FRMD6: variants seen among roughly 807,000 people sequenced by gnomAD.
The protein encoded by FRMD6 is FERM domain containing 6.
A neutral mutation model predicts 73.2 loss-of-function variants in FRMD6; 37 were observed. The observed-to-expected ratio is 0.51, with a 90% CI of 0.39 to 0.66. The LOEUF (loss-of-function observed/expected upper bound fraction) is 0.66. Among genes scored for constraint, FRMD6 ranks in the 30% least tolerant of loss-of-function variants. FRMD6 has a pLI of 0.00. For missense variants in FRMD6, 714 were observed against 780.5 expected, an observed-to-expected ratio of 0.91 and a Z score of 1.02; for synonymous variants, 273 against 282.2, an observed-to-expected ratio of 0.97 and a Z score of 0.33.
intron 1 of FRMD6, among the ~76,000 whole-genome samples, chr14:51,686,626 C>G (rs747033775): frequency 6.6e-6 from 1 of 150,706 alleles, no homozygotes; most frequent in Non-Finnish European, 1.5e-5. Flanking sequence ...TTTTTTGTTC[C>G]CTGGAAAATA....
At chr14:51,472,819 C>T in the FRMD6 span, among the ~76,000 whole-genome samples, 23 of 152,282 alleles carry the variant, frequency 1.5e-4, no homozygotes, top group South Asian at 4.1e-4. Flanking sequence ...AGCACTGAGG[C>T]GCCAGGAATC....
chr14:51,428,792 G>C, the FRMD6 span, among the ~76,000 whole-genome samples: 1 of 152,114 alleles, frequency 6.6e-6, no homozygotes, highest in Non-Finnish European at 1.5e-5. Context: ...TGCCAATAGA[G>C]AATGGCAGAA....
At chr14:51,503,680 TG>T (rs1236561477) in intron 1 of FRMD6, among the ~76,000 whole-genome samples, 4,599 of 110,302 alleles carry the variant, frequency 0.042, 94 homozygotes, top group Non-Finnish European at 0.058. Context: ...TGAAGTTTTT[TG>T]TTTTTTTTTT....
chr14:51,431,937 G>A, the FRMD6 span, among the ~76,000 whole-genome samples: 48 of 152,168 alleles, frequency 3.2e-4, no homozygotes, highest in Admixed American at 9.8e-4. Flanking sequence ...ATTGAGCTGT[G>A]TGAGCTAAAT....
chr14:51,507,594 A>G (rs759698667), intron 1 of FRMD6, among the ~76,000 whole-genome samples: 1 of 152,088 alleles, frequency 6.6e-6, no homozygotes, highest in Non-Finnish European at 1.5e-5. Context: ...GCTAAATAAA[A>G]CCTAGTGGGG....
At chr14:51,659,092 T>C (rs1020115450) in intron 1 of FRMD6, among the ~76,000 whole-genome samples, 2 of 152,138 alleles carry the variant, frequency 1.3e-5, no homozygotes, top group African/African-American at 4.8e-5. Context: ...TAGTAAAATA[T>C]AATGATAGGA....
the FRMD6 span, among the ~76,000 whole-genome samples, chr14:51,469,470 G>T: frequency 6.6e-6 from 1 of 150,756 alleles, no homozygotes; most frequent in Admixed American, 6.6e-5. Context: ...AAACTTAGCC[G>T]AGCGTGGTGG....
chr14:51,602,624 T>G (rs1010502545), intron 2 of FRMD6, among the ~76,000 whole-genome samples: 23 of 152,286 alleles, frequency 1.5e-4, no homozygotes, highest in Admixed American at 5.2e-4. Context: ...CATGGCTGAG[T>G]AGTTTTGACA....
chr14:51,570,573 G>C (rs1465605954), intron 2 of FRMD6, among the ~76,000 whole-genome samples: 1 of 152,214 alleles, frequency 6.6e-6, no homozygotes, highest in Non-Finnish European at 1.5e-5. Flanking sequence ...ACATTTGAGA[G>C]CAGTGGGTCT....
chr14:51,417,121 G>A, the FRMD6 span, among the ~76,000 whole-genome samples: 1 of 152,150 alleles, frequency 6.6e-6, no homozygotes, highest in Non-Finnish European at 1.5e-5. Flanking sequence ...GCCAGTCTGT[G>A]TCTTTTAATT....
the FRMD6 span, among the ~76,000 whole-genome samples, chr14:51,398,800 A>C: frequency 1.3e-5 from 2 of 152,150 alleles, no homozygotes; most frequent in African/African-American, 4.8e-5. Context: ...TAATTTTTTC[A>C]CTGGTCTCCA....
chr14:51,698,050 A>G, intron 2 of FRMD6, 92 bp from the exon 3 acceptor site: 3 of 803,240 alleles, frequency 3.7e-6, no homozygotes, highest in Admixed American at 2.1e-5. Flanking sequence ...CTTTCAAGGA[A>G]TATATTTACG....
intron 1 of FRMD6, among the ~76,000 whole-genome samples, chr14:51,530,634 C>T (rs1243432960): frequency 8.4e-6 from 1 of 119,296 alleles, no homozygotes; most frequent in East Asian, 2.5e-4. Flanking sequence ...GCATGCACCA[C>T]CACACCCAGC....
At chr14:51,574,976 A>T (rs1156693524) in intron 2 of FRMD6, among the ~76,000 whole-genome samples, 3 of 152,212 alleles carry the variant, frequency 2.0e-5, no homozygotes, top group East Asian at 1.9e-4. Context: ...CATAAAAATT[A>T]AAAATAAAAT....
At chr14:51,400,010 A>T in the FRMD6 span, among the ~76,000 whole-genome samples, 1 of 152,024 alleles carries the variant, frequency 6.6e-6, no homozygotes, top group Non-Finnish European at 1.5e-5. Context: ...AATTGTATAT[A>T]TATATGGGCA....
At chr14:51,460,159 G>C in the FRMD6 span, among the ~76,000 whole-genome samples, 1 of 151,880 alleles carries the variant, frequency 6.6e-6, no homozygotes, top group South Asian at 2.1e-4. Context: ...ACATGTGTTG[G>C]GAATATGTTG....
At chr14:51,654,467 C>G (rs905438717) in intron 1 of FRMD6, among the ~76,000 whole-genome samples, 2 of 152,068 alleles carry the variant, frequency 1.3e-5, no homozygotes, top group Non-Finnish European at 2.9e-5. Context: ...ACTGAGCTGT[C>G]AGGTTCAGAG....
intron 1 of FRMD6, among the ~76,000 whole-genome samples, chr14:51,503,674 G>GT: frequency 3.8e-5 from 4 of 106,192 alleles, no homozygotes; most frequent in Non-Finnish European, 5.8e-5. Flanking sequence ...TTGGGCTGAA[G>GT]TTTTTTGTTT....
intron 9 of FRMD6, chr14:51,714,402 A>C (rs923334102): frequency 6.6e-6 from 1 of 152,122 alleles, no homozygotes; most frequent in African/African-American, 2.4e-5. Flanking sequence ...TGTAGTTAGA[A>C]TATGTCTCCG....
Sources: allele counts gnomAD v4.1 joint callset (sites outside exome capture counted in the v4.1 genomes callset), GRCh38; gene constraint gnomAD v4.1.1; transcripts MANE v1.5; gene names NCBI Gene and HGNC (gene_info 2026-07-23, HGNC 2026-07-21).